DNAJC5G: variants seen among roughly 807,000 people sequenced by gnomAD.
DNAJC5G encodes the protein DnaJ heat shock protein family (Hsp40) member C5 gamma, also known as dnaJ homolog subfamily C member 5G.
Under a neutral mutation model 19.1 loss-of-function variants are expected in DNAJC5G, and 13 were observed. That is an observed-to-expected ratio of 0.68 (90% confidence interval 0.44 to 1.08). The LOEUF is 1.08. Ranked by LOEUF, DNAJC5G falls within the 50% of genes least tolerant of loss-of-function variation. DNAJC5G has a pLI of 0.00. For synonymous variants in DNAJC5G, 81 were observed against 84.4 expected (o/e 0.96, Z 0.22); for missense variants, 245 against 230.4 (o/e 1.06, Z -0.41).
chr2:27,277,611 G>A (rs1678163366), intron 3 of DNAJC5G, 143 bp from the exon 4 acceptor site: 1 of 1,129,772 alleles, frequency 8.9e-7, no homozygotes, highest in Non-Finnish European at 1.3e-6. Flanking sequence ...GGGCCAAATG[G>A]CACCATCACC....
chr2:27,277,897 G>A lies in DNAJC5G; in HGVS notation c.257G>A (p.Ser86Asn). 1 of 1,614,178 alleles carries A rather than the reference G, an allele frequency of 6.2e-7. No individual in the cohort carries two copies. The highest frequency in any genetic ancestry group is 8.5e-7 in the Non-Finnish European group (1 of 1,180,052). Reference protein sequence around the residue: ...KEINAAHAILSDSKKRKIYDQ... With the variant: ...KEINAAHAILNDSKKRKIYDQ... ...ATCAACGCAGCTCATGCCATACTGA[G>A]CGACTCTAAGAAGCGGAAAATTTAC... The change falls in exon 4 of 7, where the codon AGC (serine) becomes AAC (asparagine). Residue 86 changes from serine (S) to asparagine (N), a missense_variant. Transcript: ENST00000296097.
intron 3 of DNAJC5G, among the ~76,000 whole-genome samples, chr2:27,277,419 T>C (rs1678149655): frequency 6.6e-6 from 1 of 151,784 alleles, no homozygotes; most frequent in African/African-American, 2.4e-5. Flanking sequence ...CCTGCCACTA[T>C]GCCCAGCTAA....
intron 3 of DNAJC5G, among the ~76,000 whole-genome samples, chr2:27,277,397 G>C (rs1308152246): frequency 6.6e-6 from 1 of 151,862 alleles, no homozygotes; most frequent in African/African-American, 2.4e-5. Flanking sequence ...CGAGTAGCTG[G>C]GATTACAGGT....
Position 27,280,150 on chromosome 2 carries a change from T to C in DNAJC5G, c.521-16T>C, listed in dbSNP as rs1328926425. 2 of 1,611,874 alleles carry C rather than the reference T, an allele frequency of 1.2e-6. No homozygotes were observed. Among genetic ancestry groups the C allele is most frequent in the South Asian group, 2.2e-5 (2 of 91,040 alleles). ...AAACGTTTGTATATGTAAACATATA[T>C]ATAATTCCATCATAGGAGCCAAATG... On this transcript the variant is annotated splice_polypyrimidine_tract_variant and intron_variant, in intron 5 of 6. Coordinates refer to ENST00000296097, the MANE Select transcript of DNAJC5G (RefSeq NM_173650.3).
chr2:27,278,364 G>C (rs760430151), intron 5 of DNAJC5G, 32 bp downstream of exon 5: 2 of 1,612,376 alleles, frequency 1.2e-6, no homozygotes, highest in Non-Finnish European at 1.7e-6. Context: ...TGTGAGGTAA[G>C]AAATGTCTGG....
chr2:27,276,986 A>C, intron 3 of DNAJC5G, 145 bp downstream of exon 3: 1 of 704,408 alleles, frequency 1.4e-6, no homozygotes. Context: ...GACAGAGACT[A>C]TTGAGAGTGC....
At chr2:27,277,193 C>T (rs187352752) in intron 3 of DNAJC5G, among the ~76,000 whole-genome samples, 10 of 151,914 alleles carry the variant, frequency 6.6e-5, no homozygotes, top group Admixed American at 5.9e-4. Flanking sequence ...CTACCTGCCT[C>T]GGCCTCCCAA....
At chr2:27,276,547 G>A (rs1678084203) in intron 2 of DNAJC5G, 160 bp downstream of exon 2, 2 of 553,004 alleles carry the variant, frequency 3.6e-6, no homozygotes, top group East Asian at 3.1e-5. Flanking sequence ...GAATCTTTCT[G>A]ATCACCTGAA....
intron 5 of DNAJC5G, 53 bp from the exon 6 acceptor site, chr2:27,280,113 C>A: frequency 1.9e-6 from 3 of 1,570,282 alleles, no homozygotes; most frequent in South Asian, 1.1e-5. Context: ...CAGTACACTA[C>A]GAAAAGTTAC....
chr2:27,278,704 A>G (rs868741736), intron 5 of DNAJC5G, among the ~76,000 whole-genome samples: 222 of 145,238 alleles, frequency 1.5e-3, no homozygotes, highest in African/African-American at 5.0e-3. Flanking sequence ...AAAAAAAAAA[A>G]AAAAGAAAAG....
chr2:27,276,578 C>G (rs992465462), intron 2 of DNAJC5G, 148 bp from the exon 3 acceptor site: 1 of 607,066 alleles, frequency 1.6e-6, no homozygotes, highest in Non-Finnish European at 2.8e-6. Flanking sequence ...AGCCACAAAT[C>G]CCACTCACTC....
chr2:27,278,053 A>C, intron 4 of DNAJC5G, 38 bp downstream of exon 4: 1 of 1,609,448 alleles, frequency 6.2e-7, no homozygotes, highest in Non-Finnish European at 8.5e-7. Context: ...ATAAGGAAAG[A>C]AGGGTGACCT....
chr2:27,280,053 G>T, intron 5 of DNAJC5G, 113 bp from the exon 6 acceptor site: 2 of 953,728 alleles, frequency 2.1e-6, no homozygotes, highest in South Asian at 1.5e-5. Context: ...CTTGACACCA[G>T]CGCCACCTGG....
At chr2:27,276,589 T>A (rs1463189309) in intron 2 of DNAJC5G, 137 bp from the exon 3 acceptor site, 15 of 674,786 alleles carry the variant, frequency 2.2e-5, no homozygotes, top group Non-Finnish European at 9.8e-6. Flanking sequence ...CCACTCACTC[T>A]TATCTTATCC....
Position 27,276,831 on chromosome 2 carries a change from A to C in DNAJC5G, c.103A>C (p.Lys35Gln). 1 of 1,613,968 alleles carries C rather than the reference A, an allele frequency of 6.2e-7. No homozygotes were observed. The highest frequency in any genetic ancestry group is 8.5e-7 in the Non-Finnish European group (1 of 1,179,956). ...KKGASPEDFK[K>Q]SYSHSALLPH... is the part of the protein sequence containing the mutation. Reference sequence around the variant, plus strand: ...GGGCGCCTCACCTGAAGACTTCAAAAAATCCTACAGGTTCAGACCTCAGCC... The same window carrying C: ...GGGCGCCTCACCTGAAGACTTCAAACAATCCTACAGGTTCAGACCTCAGCC... Residue 35 changes from lysine (K) to glutamine (Q), a missense_variant, in exon 3 of 7, where the codon AAA (lysine) becomes CAA (glutamine). Transcript: ENST00000296097.
chr2:27,279,925 A>T (rs1001413258), intron 5 of DNAJC5G, among the ~76,000 whole-genome samples: 1 of 151,616 alleles, frequency 6.6e-6, no homozygotes, highest in Non-Finnish European at 1.5e-5. Context: ...CCTGTATCAA[A>T]AAAGAAGAAG....
Position 27,278,339 on chromosome 2 carries a change from A to G in DNAJC5G, c.520+7A>G. The G allele has an allele frequency of 1.9e-6, 3 of 1,614,030 alleles. No individual in the cohort carries two copies. The South Asian group carries it at 3.3e-5, about 18-fold the overall frequency. On this transcript the variant is annotated splice_region_variant and intron_variant, in intron 5 of 6. Transcript: ENST00000296097. ...AGTCAGCCTCCAAGGTCAGGTGAGA[A>G]CTGCAAGCAGGGACTGTGAGGTAAG...
rs1189859791 is a variant in DNAJC5G, at chr2:27,278,264, A to AACC, written c.459_461dup (p.Pro154dup). ...TGCTGTTTTTGCTGTGGAGCACTTA[A>AACC]ACCACCACCTGAGCAGGATAGTGGG... On this transcript the variant is annotated inframe_insertion, in exon 5 of 7. Coordinates refer to ENST00000296097, the MANE Select transcript of DNAJC5G (RefSeq NM_173650.3). The AACC allele has an allele frequency of 6.2e-7, 1 of 1,614,152 alleles. No homozygotes were observed. The highest frequency in any genetic ancestry group is 1.1e-5 in the South Asian group (1 of 91,082).
At position 27,276,817 on chromosome 2, in the gene DNAJC5G, C is replaced by A; in HGVS notation, c.89C>A (p.Pro30His). Reference protein sequence around the residue: ...AVLDLKKGASPEDFKKSYSHS... With the variant: ...AVLDLKKGASHEDFKKSYSHS... ...CTGGATCTTAAGAAGGGCGCCTCAC[C>A]TGAAGACTTCAAAAAATCCTACAGG... Residue 30 changes from proline to histidine, a missense_variant, in exon 3 of 7, where the codon CCT becomes CAT. Physicochemically the swap from Pro to His is moderately conservative, Grantham distance 77. Coordinates refer to ENST00000296097, the MANE Select transcript of DNAJC5G (RefSeq NM_173650.3). The A allele has an allele frequency of 6.2e-7, 1 of 1,614,056 alleles. No individual in the cohort carries two copies. Among genetic ancestry groups the A allele is most frequent in the Non-Finnish European group, 8.5e-7 (1 of 1,180,002 alleles).
Sources: gnomAD v4.1 joint callset for allele counts (sites outside exome capture counted in the v4.1 genomes callset) on GRCh38, gnomAD v4.1.1 for gene constraint, MANE v1.5 for transcripts, NCBI Gene and HGNC (gene_info 2026-07-23, HGNC 2026-07-21) for gene names.